SUCLG2: variants seen among roughly 807,000 people sequenced by gnomAD.
SUCLG2 encodes the protein succinate-CoA ligase GDP-forming subunit beta.
Under a neutral mutation model 47.9 loss-of-function variants are expected in SUCLG2, and 42 were observed. That is an observed-to-expected ratio of 0.88 (90% CI 0.69 to 1.14). The LOEUF is 1.14. Among genes scored for constraint, SUCLG2 ranks in the 50% most tolerant of loss-of-function variants. The probability of loss-of-function intolerance (pLI) is 0.00; values close to 1 mark genes in which losing one functional copy is unlikely to be tolerated. For missense variants in SUCLG2, 571 were observed against 525.9 expected (o/e 1.09, Z -0.84); for synonymous variants, 195 against 197.3 (o/e 0.99, Z 0.10).
At chr3:67,425,544 G>A (rs1258138353) in intron 9 of SUCLG2, among the ~76,000 whole-genome samples, 2 of 152,116 alleles carry the variant, frequency 1.3e-5, no homozygotes, top group Non-Finnish European at 2.9e-5. Flanking sequence ...AAGAAGGGAG[G>A]ATTTGCTCTC....
intron 9 of SUCLG2, among the ~76,000 whole-genome samples, chr3:67,473,283 G>T (rs1575719993): frequency 6.6e-6 from 1 of 152,076 alleles, no homozygotes; most frequent in East Asian, 1.9e-4. Context: ...GGACTAAGGT[G>T]TTTCTCCCAC....
At chr3:67,558,398 C>T (rs1707218242) in intron 2 of SUCLG2, among the ~76,000 whole-genome samples, 1 of 151,482 alleles carries the variant, frequency 6.6e-6, no homozygotes, top group African/African-American at 2.4e-5. Flanking sequence ...GCCTCGGTAG[C>T]TCTCTAGAAA....
At chr3:67,509,031 A>C in intron 6 of SUCLG2, 128 bp from the exon 7 acceptor site, 2 of 638,490 alleles carry the variant, frequency 3.1e-6, no homozygotes, top group East Asian at 5.8e-5. Flanking sequence ...GAAGGGAAAA[A>C]CAGAAAAGCA....
At chr3:67,622,691 C>A (rs1700755967) in intron 1 of SUCLG2, among the ~76,000 whole-genome samples, 2 of 152,180 alleles carry the variant, frequency 1.3e-5, no homozygotes, top group South Asian at 4.2e-4. Context: ...GAAAAAAAAT[C>A]TAATTACATT....
At chr3:67,380,793 G>A (rs989531004) in intron 10 of SUCLG2, among the ~76,000 whole-genome samples, 2 of 152,062 alleles carry the variant, frequency 1.3e-5, no homozygotes, top group African/African-American at 4.8e-5. Flanking sequence ...AAAAAGACAG[G>A]TAGAGAATAA....
chr3:67,560,129 C>T (rs886730781), intron 2 of SUCLG2, among the ~76,000 whole-genome samples: 2 of 152,140 alleles, frequency 1.3e-5, no homozygotes, highest in Admixed American at 6.5e-5. Flanking sequence ...CTCAGGACCT[C>T]TGAAAATTCA....
chr3:67,537,126 G>A (rs1706566446), intron 2 of SUCLG2, among the ~76,000 whole-genome samples: 1 of 152,018 alleles, frequency 6.6e-6, no homozygotes, highest in Non-Finnish European at 1.5e-5. Flanking sequence ...CATGAGCAAT[G>A]GTGGTTTGCT....
intron 10 of SUCLG2, among the ~76,000 whole-genome samples, chr3:67,377,144 A>AGAT (rs1311250589): frequency 6.6e-6 from 1 of 152,218 alleles, no homozygotes; most frequent in Non-Finnish European, 1.5e-5. Context: ...CCTATTTTAC[A>AGAT]GATAAGGCAA....
At chr3:67,408,814 A>T in intron 9 of SUCLG2, 1 of 1,387,078 alleles carries the variant, frequency 7.2e-7, no homozygotes, top group Non-Finnish European at 9.3e-7. Flanking sequence ...GAGCTTAAAC[A>T]TCACACAGCA....
At chr3:67,509,079 A>G (rs1705717470) in intron 6 of SUCLG2, among the ~76,000 whole-genome samples, 176 bp from the exon 7 acceptor site, 2 of 152,214 alleles carry the variant, frequency 1.3e-5, no homozygotes, top group Admixed American at 6.5e-5. Flanking sequence ...ATTAAAAGGA[A>G]TTGCTCAGCT....
At chr3:67,498,463 G>A (rs922660348) in intron 7 of SUCLG2, among the ~76,000 whole-genome samples, 168 bp from the exon 8 acceptor site, 2 of 152,060 alleles carry the variant, frequency 1.3e-5, no homozygotes, top group Non-Finnish European at 2.9e-5. Context: ...AAATTTTAGG[G>A]TTTGGTCCCT....
chr3:67,516,565 A>G (rs1705950783), intron 6 of SUCLG2, among the ~76,000 whole-genome samples: 5 of 152,226 alleles, frequency 3.3e-5, no homozygotes. Flanking sequence ...CTGAGCCTCT[A>G]GGAACTTCTT....
chr3:67,506,325 A>C (rs1208239937), intron 7 of SUCLG2, among the ~76,000 whole-genome samples: 2 of 152,232 alleles, frequency 1.3e-5, no homozygotes, highest in Non-Finnish European at 2.9e-5. Context: ...AGAGTTATAA[A>C]CCAACATACT....
In SUCLG2 at chr3:67,374,822, C is replaced by T. The variant is rs1265263270; in HGVS notation, c.*922G>A. ...AATCCTTTCCCACAACAAAATTGGA[C>T]ATCATGGAAAAAAAAAACACATTCA... On this transcript the variant is annotated 3_prime_UTR_variant, in exon 11 of 11. Coordinates refer to ENST00000307227, the MANE Select transcript of SUCLG2 (RefSeq NM_003848.4). 1 of 950,652 alleles carries T rather than the reference C, an allele frequency of 1.1e-6. No homozygotes were observed. Among genetic ancestry groups the T allele is most frequent in the East Asian group, 1.3e-4 (1 of 7,530 alleles). The allele number at this position is 950,652 out of a possible 1,614,324, so 58.9% of individuals were successfully genotyped here. A position where few individuals can be genotyped will look rare whatever the true frequency, so the allele number is the denominator to read the frequency against.
At chr3:67,541,890 C>T (rs532682195) in intron 2 of SUCLG2, among the ~76,000 whole-genome samples, 52 of 149,436 alleles carry the variant, frequency 3.5e-4, no homozygotes, top group Non-Finnish European at 2.5e-4. Context: ...TTTTTTGAGA[C>T]GGAGTTTTGC....
chr3:67,541,914 G>T (rs1324506334), intron 2 of SUCLG2, among the ~76,000 whole-genome samples: 8 of 151,700 alleles, frequency 5.3e-5, no homozygotes, highest in Non-Finnish European at 1.2e-4. Context: ...TGTTGCCCAG[G>T]CTGGAGTGCA....
intron 2 of SUCLG2, among the ~76,000 whole-genome samples, chr3:67,564,971 C>T (rs372994906): frequency 4.0e-5 from 6 of 151,784 alleles, no homozygotes; most frequent in African/African-American, 1.5e-4. Context: ...TTCTATTCTT[C>T]CCACTGCTTT....
chr3:67,548,554 T>C (rs554502356), intron 2 of SUCLG2, among the ~76,000 whole-genome samples: 1 of 152,334 alleles, frequency 6.6e-6, no homozygotes, highest in African/African-American at 2.4e-5. Flanking sequence ...CCAAATAAGG[T>C]ACAGTTCCTT....
intron 9 of SUCLG2, among the ~76,000 whole-genome samples, chr3:67,416,817 C>T (rs1224430048): frequency 1.3e-5 from 2 of 152,126 alleles, no homozygotes; most frequent in African/African-American, 4.8e-5. Flanking sequence ...TTAATATAGA[C>T]TATTGAAAAT....
Sources: allele counts gnomAD v4.1 joint callset (sites outside exome capture counted in the v4.1 genomes callset), GRCh38; gene constraint gnomAD v4.1.1; transcripts MANE v1.5; gene names NCBI Gene and HGNC (gene_info 2026-07-23, HGNC 2026-07-21).